FMN1: variants seen among roughly 807,000 people sequenced by gnomAD.
FMN1 encodes formin-1.
FMN1 carries 110 observed loss-of-function variants against 132.4 expected under a neutral mutation model. The ratio of observed to expected loss-of-function variants is 0.83; its 90% confidence interval spans 0.71 to 0.97. FMN1 has a LOEUF of 0.97. Among genes scored for constraint, FMN1 ranks in the 50% least tolerant of loss-of-function variants. FMN1 has a pLI of 0.00. For missense variants in FMN1, 1,792 were observed against 1,705.3 expected, an observed-to-expected ratio of 1.05 and a Z score of -0.90; for synonymous variants, 722 against 651.7, an observed-to-expected ratio of 1.11 and a Z score of -1.64.
intron 10 of FMN1, among the ~76,000 whole-genome samples, chr15:32,917,656 G>A (rs552333978): frequency 2.6e-4 from 40 of 152,190 alleles, no homozygotes; most frequent in African/African-American, 9.6e-4. Context: ...AGCTCAATTC[G>A]ACAACCACCC....
chr15:32,910,636 G>A (rs778989099), intron 10 of FMN1, 101 bp from the exon 11 acceptor site: 2 of 887,286 alleles, frequency 2.3e-6, no homozygotes, highest in East Asian at 5.3e-5. Context: ...ACAGAGTATT[G>A]CGTTTTCTTA....
At chr15:32,866,346 C>T (rs2059393347) in intron 16 of FMN1, among the ~76,000 whole-genome samples, 1 of 151,892 alleles carries the variant, frequency 6.6e-6, no homozygotes, top group African/African-American at 2.4e-5. Flanking sequence ...ATATCTGACT[C>T]TTAGTTTCTT....
intron 10 of FMN1, among the ~76,000 whole-genome samples, chr15:32,921,813 G>A (rs1225365630): frequency 6.6e-6 from 1 of 151,736 alleles, no homozygotes; most frequent in Non-Finnish European, 1.5e-5. Context: ...GGGATTACAA[G>A]TTTGTGCCAC....
At chr15:32,785,916 T>C (rs182247278) in intron 19 of FMN1, among the ~76,000 whole-genome samples, 303 of 152,250 alleles carry the variant, frequency 2.0e-3, no homozygotes, top group Non-Finnish European at 2.6e-3. Flanking sequence ...GGGAAACACA[T>C]GAGATCTGAC....
intron 5 of FMN1, among the ~76,000 whole-genome samples, chr15:33,080,204 C>A (rs1481202056): frequency 2.0e-5 from 3 of 152,114 alleles, no homozygotes; most frequent in Admixed American, 1.3e-4. Flanking sequence ...GGAAACAATA[C>A]AAAAATGCGG....
chr15:33,003,323 C>T (rs982585863), intron 7 of FMN1, among the ~76,000 whole-genome samples: 1 of 152,172 alleles, frequency 6.6e-6, no homozygotes, highest in Non-Finnish European at 1.5e-5. Flanking sequence ...CCCAAAATCT[C>T]CTTAAGCTGA....
At chr15:32,908,460 G>A (rs768337554) in intron 12 of FMN1, 30 bp downstream of exon 12, 13 of 1,447,866 alleles carry the variant, frequency 9.0e-6, no homozygotes, top group East Asian at 4.5e-5. Flanking sequence ...TCTCCTTTTG[G>A]CCTAACAGAA....
intron 16 of FMN1, among the ~76,000 whole-genome samples, chr15:32,857,335 T>C (rs764064563): frequency 1.3e-5 from 2 of 152,166 alleles, no homozygotes; most frequent in African/African-American, 4.8e-5. Context: ...AACAGGGCAA[T>C]GTACAATCCT....
intron 9 of FMN1, among the ~76,000 whole-genome samples, chr15:32,931,621 C>G (rs2061120513): frequency 6.6e-6 from 1 of 152,120 alleles, no homozygotes; most frequent in Non-Finnish European, 1.5e-5. Flanking sequence ...TTAGGGTTTT[C>G]TACATATAAG....
intron 2 of FMN1, among the ~76,000 whole-genome samples, chr15:33,180,744 CTTT>C (rs35033683): frequency 1.8e-5 from 2 of 108,218 alleles, no homozygotes; most frequent in Non-Finnish European, 1.8e-5. Context: ...CTCCTGCTGC[CTTT>C]TTTTTTTTTT....
At chr15:32,929,265 A>G (rs773155088) in intron 9 of FMN1, among the ~76,000 whole-genome samples, 2 of 152,180 alleles carry the variant, frequency 1.3e-5, no homozygotes, top group Non-Finnish European at 2.9e-5. Context: ...AGATCCTTCT[A>G]TGTTTCCATG....
chr15:33,117,364 A>C (rs2039968425), intron 4 of FMN1, among the ~76,000 whole-genome samples: 2 of 141,588 alleles, frequency 1.4e-5, no homozygotes, highest in South Asian at 4.6e-4. Context: ...GAAAGCATCG[A>C]AACCATAGCT....
chr15:32,822,548 G>T lies in FMN1; in HGVS notation c.3929-18216C>A, dbSNP rs546114897. On this transcript the variant is annotated intron_variant, in intron 17 of 20. Transcript: ENST00000616417. ...TTCCTGCATCCAGTGTTGCTGCTCAGAAGCTTCTTGTCTCTCAGCATTTTT... is the reference window on the plus strand; with the variant it reads ...TTCCTGCATCCAGTGTTGCTGCTCATAAGCTTCTTGTCTCTCAGCATTTTT... 2.0e-5 allele frequency among the ~76,000 whole-genome samples: 3 copies of T among 151,892 alleles called. No individual in the cohort carries two copies. The South Asian group carries it at 6.3e-4, about 32-fold the overall frequency.
chr15:32,841,024 A>G (rs936812433), intron 17 of FMN1, among the ~76,000 whole-genome samples: 4 of 152,192 alleles, frequency 2.6e-5, no homozygotes, highest in Admixed American at 2.0e-4. Flanking sequence ...AACCACCAGC[A>G]TTTATCACCG....
intron 12 of FMN1, among the ~76,000 whole-genome samples, chr15:32,906,790 G>C (rs937924430): frequency 6.6e-6 from 1 of 152,168 alleles, no homozygotes; most frequent in Non-Finnish European, 1.5e-5. Flanking sequence ...GGTAAGGAAG[G>C]TGTCTCAAGT....
intron 7 of FMN1, among the ~76,000 whole-genome samples, chr15:32,995,317 G>A (rs977899087): frequency 1.3e-5 from 2 of 152,048 alleles, no homozygotes. Context: ...GTTGAGATCT[G>A]AGACCTAACA....
intron 19 of FMN1, among the ~76,000 whole-genome samples, chr15:32,789,506 A>G (rs1364922409): frequency 6.6e-6 from 1 of 152,234 alleles, no homozygotes; most frequent in African/African-American, 2.4e-5. Context: ...CAGACCTCAT[A>G]TATGATGGTG....
chr15:33,110,303 A>G (rs1300080367), intron 4 of FMN1, among the ~76,000 whole-genome samples: 1 of 152,084 alleles, frequency 6.6e-6, no homozygotes, highest in Non-Finnish European at 1.5e-5. Context: ...AACTGAAACA[A>G]TATTTATGAA....
chr15:32,778,264 G>T (rs1406456391), intron 19 of FMN1, among the ~76,000 whole-genome samples: 1 of 138,744 alleles, frequency 7.2e-6, no homozygotes. Flanking sequence ...GTATAATATA[G>T]AAATATATAT....
Sources: gnomAD v4.1 joint callset for allele counts (sites outside exome capture counted in the v4.1 genomes callset) on GRCh38, gnomAD v4.1.1 for gene constraint, MANE v1.5 for transcripts, NCBI Gene and HGNC (gene_info 2026-07-23, HGNC 2026-07-21) for gene names.